ZBTB42: variants seen among roughly 807,000 people sequenced by gnomAD.
ZBTB42 encodes the protein zinc finger and BTB domain containing 42.
In ZBTB42, 3 loss-of-function variants were observed where a neutral mutation model predicts 4.7. The observed-to-expected ratio is 0.64, with a 90% CI of 0.29 to 1.66. The LOEUF is 1.66. Ranked by LOEUF, ZBTB42 falls within the 40% of genes most tolerant of loss-of-function variation. The probability of loss-of-function intolerance (pLI) is 0.10; values close to 1 mark genes in which losing one functional copy is unlikely to be tolerated. For synonymous variants in ZBTB42, 255 were observed against 259.5 expected (o/e 0.98, Z 0.17); for missense variants, 521 against 577.1 (o/e 0.90, Z 1.00).
At position 104,801,597 on chromosome 14, in the gene ZBTB42, G is replaced by A. The variant is rs34284721; in HGVS notation, c.400G>A (p.Ala134Thr). The A allele has an allele frequency of 0.1, 160,857 of 1,549,842 alleles. 9,323 individuals are homozygous for A. The highest frequency in any genetic ancestry group is 0.11 in the Non-Finnish European group (130,807 of 1,146,662). Reference sequence around the variant, plus strand: ...GGACCCGGGGAACCCTGCCCCTGGGGCAGAACCTGCTCAGCCACCGTGCCC... The same window carrying A: ...GGACCCGGGGAACCCTGCCCCTGGGACAGAACCTGCTCAGCCACCGTGCCC... ...SLDPGNPAPG[A>T]EPAQPPCPWP... The change falls in exon 1 of 1, where the codon GCA becomes ACA. Residue 134 changes from alanine (A) to threonine (T), a missense_variant. Transcript: ENST00000342537. This position sits in a 1 kb window ranked among gnomAD's most constrained non-coding sequence, Gnocchi z 4.4.
Position 104,804,417 on chromosome 14 carries a change from T to G in ZBTB42, c.*1951T>G, listed in dbSNP as rs1894125313. On this transcript the variant is annotated 3_prime_UTR_variant, in exon 1 of 1. Transcript: ENST00000342537. ...GTAAGGAGAAGTGGTCAGTTTTCAT[T>G]TTATAACTGACACAGTTGGGACAAA... 1 of 166,896 alleles carries G rather than the reference T, an allele frequency of 6.0e-6. No individual in the cohort carries two copies. Among genetic ancestry groups the G allele is most frequent in the African/African-American group, 2.4e-5 (1 of 41,454 alleles). 10.3% of individuals were successfully genotyped at this position (166,896 alleles called of 1,614,324 possible).
At position 104,802,066 on chromosome 14, in the gene ZBTB42, G is replaced by A; in HGVS notation, c.869G>A (p.Gly290Asp). Residue 290 changes from glycine to aspartate, a missense_variant, in exon 1 of 1, where the codon GGT (glycine) becomes GAT (aspartate). By Grantham distance (94) the Gly-to-Asp change is moderately conservative. Transcript: ENST00000342537. The surrounding 1 kb of genome is among the most constrained non-coding windows in gnomAD (Gnocchi z 5.9). Reference protein sequence around the residue: ...RLASEDELGPGGPLCICPLCS... With the variant: ...RLASEDELGPDGPLCICPLCS... Reference sequence around the variant, plus strand: ...GCGAGTGAGGACGAGCTGGGGCCTGGTGGGCCCCTCTGCATCTGCCCGTTG... The same window carrying A: ...GCGAGTGAGGACGAGCTGGGGCCTGATGGGCCCCTCTGCATCTGCCCGTTG... 6.7e-7 allele frequency: 1 copy of A among 1,503,302 alleles called. No homozygotes were observed. Among genetic ancestry groups the A allele is most frequent in the Non-Finnish European group, 8.9e-7 (1 of 1,125,862 alleles). The allele number at this position is 1,503,302 out of a possible 1,614,324, so 93.1% of individuals were successfully genotyped here. A position where few individuals can be genotyped will look rare whatever the true frequency, so the allele number is the denominator to read the frequency against.
Position 104,802,068 on chromosome 14 carries a change from G to A in ZBTB42, c.871G>A (p.Gly291Arg). 1 of 1,503,644 alleles carries A rather than the reference G, an allele frequency of 6.7e-7. No individual in the cohort carries two copies. The highest frequency in any genetic ancestry group is 1.4e-5 in the African/African-American group (1 of 72,538). The allele number at this position is 1,503,644 out of a possible 1,614,324, so 93.1% of individuals were successfully genotyped here. The stretch of plus-strand genomic sequence containing the variant: ...GAGTGAGGACGAGCTGGGGCCTGGT[G>A]GGCCCCTCTGCATCTGCCCGTTGTG... ...LASEDELGPGGPLCICPLCSK... is the reference protein window; with the variant it reads ...LASEDELGPGRPLCICPLCSK... The change falls in exon 1 of 1, where the codon GGG (glycine) becomes AGG (arginine). Residue 291 changes from glycine to arginine, a missense_variant. Physicochemically the swap from Gly to Arg is moderately radical, Grantham distance 125. Transcript: ENST00000342537. This position sits in a 1 kb window ranked among gnomAD's most constrained non-coding sequence, Gnocchi z 5.9.
Position 104,802,149 on chromosome 14 carries a change from C to A in ZBTB42, c.952C>A (p.Arg318Ser), listed in dbSNP as rs1384526228. ...VLQLHLSAHFRERDSTRARLS... is the reference protein window; with the variant it reads ...VLQLHLSAHFSERDSTRARLS... ...GCAGCTGCACCTCAGTGCCCACTTC[C>A]GTGAGCGAGACAGCACCCGGGCCCG... is the stretch of plus-strand genomic sequence containing the variant. Residue 318 changes from arginine to serine, a missense_variant, in exon 1 of 1, where the codon CGT becomes AGT. Coordinates refer to ENST00000342537, the MANE Select transcript of ZBTB42 (RefSeq NM_001137601.3). This position sits in a 1 kb window ranked among gnomAD's most constrained non-coding sequence, Gnocchi z 5.9. 3.2e-6 allele frequency: 5 copies of A among 1,545,694 alleles called. No individual in the cohort carries two copies. The highest frequency in any genetic ancestry group is 4.4e-6 in the Non-Finnish European group (5 of 1,146,110).
rs1894054080 is a variant in ZBTB42 at position 104,801,944 on chromosome 14, TCCTGTTCCTGCAGCCAAGGG to T, written c.752_771del (p.Val251GlyfsTer27). On this transcript the variant is annotated frameshift_variant, in exon 1 of 1. Coordinates refer to ENST00000342537, the MANE Select transcript of ZBTB42 (RefSeq NM_001137601.3). LOFTEE classifies it low-confidence loss of function (END_TRUNC). The surrounding 1 kb of genome is among the most constrained non-coding windows in gnomAD (Gnocchi z 4.4). The stretch of plus-strand genomic sequence containing the variant: ...GCCCCCACAGTCCCCCGAAGCCACC[TCCTGTTCCTGCAGCCAAGGG>T]CCTGGTGGTGGGCTTGCAGCCGCTG... 2.0e-6 allele frequency: 3 copies of T among 1,530,498 alleles called. No individual in the cohort carries two copies. The highest frequency in any genetic ancestry group is 4.0e-5 in the Admixed American group (2 of 50,018). The allele number at this position is 1,530,498 out of a possible 1,614,324, so 94.8% of individuals were successfully genotyped here. A position where few individuals can be genotyped will look rare whatever the true frequency, so the allele number is the denominator to read the frequency against.
chr14:104,803,542 G>A lies in ZBTB42; in HGVS notation c.*1076G>A, dbSNP rs371099468. The A allele has an allele frequency of 8.4e-5, 14 of 167,072 alleles. No individual in the cohort carries two copies. In the East Asian group the frequency reaches 2.3e-3, roughly 28 times the overall value. The allele number at this position is 167,072 out of a possible 1,614,324, so 10.3% of individuals were successfully genotyped here. On this transcript the variant is annotated 3_prime_UTR_variant, in exon 1 of 1. Transcript: ENST00000342537. ...TTGCGGGCCTTCCTTTCCCCACGGC[G>A]AGGCATGGGTGAAAGTGGCCATGGC...
Position 104,801,592 on chromosome 14 carries a change from C to G in ZBTB42, c.395C>G (p.Pro132Arg), listed in dbSNP as rs1566830636. 3 of 1,549,778 alleles carry G rather than the reference C, an allele frequency of 1.9e-6. No homozygotes were observed. Among genetic ancestry groups the G allele is most frequent in the Admixed American group, 2.0e-5 (1 of 50,990 alleles). Residue 132 changes from proline (P) to arginine (R), a missense_variant, in exon 1 of 1, where the codon CCT (proline) becomes CGT (arginine). Coordinates refer to ENST00000342537, the MANE Select transcript of ZBTB42 (RefSeq NM_001137601.3). The surrounding 1 kb of genome is among the most constrained non-coding windows in gnomAD (Gnocchi z 4.4). Reference sequence around the variant, plus strand: ...AGTCTGGACCCGGGGAACCCTGCCCCTGGGGCAGAACCTGCTCAGCCACCG... The same window carrying G: ...AGTCTGGACCCGGGGAACCCTGCCCGTGGGGCAGAACCTGCTCAGCCACCG... ...DRSLDPGNPA[P>R]GAEPAQPPCP...
At chr14:104,800,907 C>G (rs1410293726), upstream of ZBTB42, 1 of 259,300 alleles carries the variant, frequency 3.9e-6, no homozygotes, top group Non-Finnish European at 7.3e-6. This position sits in a 1 kb window ranked among gnomAD's most constrained non-coding sequence, Gnocchi z 5.3. Context: ...GGCGGCCGCC[C>G]GGGAGTGAAG....
chr14:104,802,491 G>C lies in ZBTB42; in HGVS notation c.*25G>C. On this transcript the variant is annotated 3_prime_UTR_variant, in exon 1 of 1. Coordinates refer to ENST00000342537, the MANE Select transcript of ZBTB42 (RefSeq NM_001137601.3). This position sits in a 1 kb window ranked among gnomAD's most constrained non-coding sequence, Gnocchi z 5.9. ...ATGCATCCCTGTGGGTCCTGAGGGT[G>C]GGGTGGAAGGGAAGGGATGGGCCCT... 6.5e-7 allele frequency: 1 copy of C among 1,535,040 alleles called. No individual in the cohort carries two copies.
Position 104,802,838 on chromosome 14 carries a change from G to A in ZBTB42, c.*372G>A, listed in dbSNP as rs997182976. 8 of 311,584 alleles carry A rather than the reference G, an allele frequency of 2.6e-5. No homozygotes were observed. The highest frequency in any genetic ancestry group is 1.5e-4 in the Admixed American group (3 of 20,604). 19.3% of individuals were successfully genotyped at this position (311,584 alleles called of 1,614,324 possible). ...GTGTGAGATGGCACATCCATCTCCC[G>A]GCCCGGGACTTTCCTGACCACCTCT... On this transcript the variant is annotated 3_prime_UTR_variant, in exon 1 of 1. Transcript: ENST00000342537. This position sits in a 1 kb window ranked among gnomAD's most constrained non-coding sequence, Gnocchi z 5.9.
chr14:104,802,423 T>C lies in ZBTB42; in HGVS notation c.1226T>C (p.Val409Ala), dbSNP rs1290247958. ...CAGTCCGGGGACCTCTACCGCCACGTCCGCAAGTTTCACTGTGGCCTCGTC... is the reference window on the plus strand; with the variant it reads ...CAGTCCGGGGACCTCTACCGCCACGCCCGCAAGTTTCACTGTGGCCTCGTC... ...FTQSGDLYRH[V>A]RKFHCGLVKS... Residue 409 changes from valine to alanine, a missense_variant, in exon 1 of 1, where the codon GTC (valine) becomes GCC (alanine). Val to Ala is a moderately conservative substitution (Grantham distance 64). Transcript: ENST00000342537. This position sits in a 1 kb window ranked among gnomAD's most constrained non-coding sequence, Gnocchi z 5.9. 3 of 1,551,194 alleles carry C rather than the reference T, an allele frequency of 1.9e-6. No individual in the cohort carries two copies. The highest frequency in any genetic ancestry group is 2.0e-5 in the Admixed American group (1 of 51,046).
In ZBTB42 at chr14:104,801,575, C is replaced by G; in HGVS notation, c.378C>G (p.Asp126Glu). The G allele has an allele frequency of 1.3e-6, 2 of 1,549,822 alleles. No individual in the cohort carries two copies. Among genetic ancestry groups the G allele is most frequent in the Non-Finnish European group, 1.7e-6 (2 of 1,146,638 alleles). ...GRLQEKDRSL[D>E]PGNPAPGAEP... ...TCCAGGAGAAGGATCGAAGTCTGGA[C>G]CCGGGGAACCCTGCCCCTGGGGCAG... Residue 126 changes from aspartate to glutamate, a missense_variant, in exon 1 of 1, where the codon GAC (aspartate) becomes GAG (glutamate). Physicochemically the swap from Asp to Glu is conservative, Grantham distance 45 (BLOSUM62 2). Transcript: ENST00000342537. The surrounding 1 kb of genome is among the most constrained non-coding windows in gnomAD (Gnocchi z 4.4).
rs1451437375 is a variant in ZBTB42, at chr14:104,801,877, G to A, written c.680G>A (p.Arg227Gln). The change falls in exon 1 of 1, where the codon CGG (arginine) becomes CAG (glutamine). Residue 227 changes from arginine (R) to glutamine (Q), a missense_variant. By Grantham distance (43) the Arg-to-Gln change is conservative. Coordinates refer to ENST00000342537, the MANE Select transcript of ZBTB42 (RefSeq NM_001137601.3). The surrounding 1 kb of genome is among the most constrained non-coding windows in gnomAD (Gnocchi z 4.4). ...GCCCAGCCACTGGTGAAGGACGAACGGGACTCACTGTCCGAACAGGAGGAG... is the reference window on the plus strand; with the variant it reads ...GCCCAGCCACTGGTGAAGGACGAACAGGACTCACTGTCCGAACAGGAGGAG... ...PGAQPLVKDE[R>Q]DSLSEQEESS... The A allele has an allele frequency of 2.6e-6, 4 of 1,549,408 alleles. No homozygotes were observed. Among genetic ancestry groups the A allele is most frequent in the African/African-American group, 1.4e-5 (1 of 73,046 alleles).
At position 104,801,735 on chromosome 14, in the gene ZBTB42, G is replaced by A. The variant is rs990030473; in HGVS notation, c.538G>A (p.Val180Ile). ...AGCATCTGGGCCTCCTCCCTGCCAG[G>A]TCCCAGAAGAGTCAGACCAGGCCCT... is the stretch of plus-strand genomic sequence containing the variant. ...PRASGPPPCQ[V>I]PEESDQALDL... The change falls in exon 1 of 1, where the codon GTC (valine) becomes ATC (isoleucine). Residue 180 changes from valine (V) to isoleucine (I), a missense_variant. Physicochemically the swap from Val to Ile is conservative, Grantham distance 29. Transcript: ENST00000342537. This position sits in a 1 kb window ranked among gnomAD's most constrained non-coding sequence, Gnocchi z 4.4. 2.6e-6 allele frequency: 4 copies of A among 1,550,062 alleles called. No individual in the cohort carries two copies. Among genetic ancestry groups the A allele is most frequent in the Non-Finnish European group, 3.5e-6 (4 of 1,146,846 alleles).
rs1894037629 is a variant in ZBTB42 at position 104,801,333 on chromosome 14, A to G, written c.136A>G (p.Ser46Gly). Residue 46 changes from serine (S) to glycine (G), a missense_variant, in exon 1 of 1, where the codon AGC (serine) becomes GGC (glycine). Physicochemically the swap from Ser to Gly is moderately conservative, Grantham distance 56. Transcript: ENST00000342537. The surrounding 1 kb of genome is among the most constrained non-coding windows in gnomAD (Gnocchi z 4.4). Reference sequence around the variant, plus strand: ...CCACCGTGCCGTGCTGGCCGCGTGCAGCGTCTACTTCCATCTCTTCTACAG... The same window carrying G: ...CCACCGTGCCGTGCTGGCCGCGTGCGGCGTCTACTTCCATCTCTTCTACAG... ...PAHRAVLAAC[S>G]VYFHLFYRDR... 7 of 1,548,002 alleles carry G rather than the reference A, an allele frequency of 4.5e-6. No individual in the cohort carries two copies. Among genetic ancestry groups the G allele is most frequent in the Non-Finnish European group, 6.1e-6 (7 of 1,146,216 alleles).
upstream of ZBTB42, chr14:104,801,055 G>A (rs1894029370): frequency 9.0e-7 from 1 of 1,114,074 alleles, no homozygotes; most frequent in East Asian, 3.2e-5. The surrounding 1 kb of genome is among the most constrained non-coding windows in gnomAD (Gnocchi z 4.4). Context: ...GCAGGTGCCC[G>A]CGGCGGCTCT....
Position 104,803,614 on chromosome 14 carries a change from G to A in ZBTB42, c.*1148G>A, listed in dbSNP as rs1406181923. 1 of 166,914 alleles carries A rather than the reference G, an allele frequency of 6.0e-6. No homozygotes were observed. The highest frequency in any genetic ancestry group is 1.5e-5 in the Non-Finnish European group (1 of 68,146). 10.3% of individuals were successfully genotyped at this position (166,914 alleles called of 1,614,324 possible). On this transcript the variant is annotated 3_prime_UTR_variant, in exon 1 of 1. Transcript: ENST00000342537. ...GGAGTGGGAGTCGCAGCACCCTAGG[G>A]GCCTCCATCCGCAGCCTTGGGAGAC...
Position 104,801,399 on chromosome 14 carries a change from G to A in ZBTB42, c.202G>A (p.Gly68Ser). The A allele has an allele frequency of 1.9e-6, 3 of 1,547,966 alleles. No homozygotes were observed. The highest frequency in any genetic ancestry group is 2.4e-5 in the East Asian group (1 of 40,842). The change falls in exon 1 of 1, where the codon GGC (glycine) becomes AGC (serine). Residue 68 changes from glycine to serine, a missense_variant. Coordinates refer to ENST00000342537, the MANE Select transcript of ZBTB42 (RefSeq NM_001137601.3). This position sits in a 1 kb window ranked among gnomAD's most constrained non-coding sequence, Gnocchi z 4.4. The stretch of plus-strand genomic sequence containing the variant: ...CAGTCGCGACACGGTGCGGCTCAAC[G>A]GCGACATCGTCACGGCGCCCGCCTT... ...AGSRDTVRLN[G>S]DIVTAPAFGR...
In ZBTB42 at chr14:104,802,067, T is replaced by G; in HGVS notation, c.870T>G (p.Gly290=). Residue 290 remains glycine, a synonymous_variant, in exon 1 of 1, where the codon GGT becomes GGG. Transcript: ENST00000342537. The surrounding 1 kb of genome is among the most constrained non-coding windows in gnomAD (Gnocchi z 5.9). ...RLASEDELGP[G]GPLCICPLCS... The stretch of plus-strand genomic sequence containing the variant: ...CGAGTGAGGACGAGCTGGGGCCTGG[T>G]GGGCCCCTCTGCATCTGCCCGTTGT... 6.7e-7 allele frequency: 1 copy of G among 1,503,126 alleles called. No homozygotes were observed. The highest frequency in any genetic ancestry group is 8.9e-7 in the Non-Finnish European group (1 of 1,125,738). The allele number at this position is 1,503,126 out of a possible 1,614,324, so 93.1% of individuals were successfully genotyped here.
Sources: gnomAD v4.1 joint callset for allele counts on GRCh38, gnomAD v4.1.1 for gene constraint, Gnocchi (gnomAD v3.1) non-coding constraint, MANE v1.5 for transcripts, NCBI Gene and HGNC (gene_info 2026-07-23, HGNC 2026-07-21) for gene names.